Variants in TRNAU1AP observed in about 807,000 individuals in gnomAD.
TRNAU1AP encodes tRNA selenocysteine 1-associated protein 1.
Under a neutral mutation model 43.3 loss-of-function variants are expected in TRNAU1AP, and 33 were observed. That is an observed-to-expected ratio of 0.76 (90% confidence interval 0.58 to 1.02). The LOEUF (loss-of-function observed/expected upper bound fraction) is 1.02, where lower values mean the gene tolerates loss of function less well. Ranked by LOEUF, TRNAU1AP falls within the 50% of genes least tolerant of loss-of-function variation. TRNAU1AP has a pLI of 0.00. For synonymous variants in TRNAU1AP, 143 were observed against 129.1 expected (o/e 1.11, Z -0.73); for missense variants, 290 against 362.7 (o/e 0.80, Z 1.63).
At position 28,564,853 on chromosome 1, in the gene TRNAU1AP, C is replaced by G. The variant is rs750418439; in HGVS notation, c.410+19C>G. ...TGTCTAAGTAAGGCCTTACTTGTTA[C>G]TGATGCTTAACTGTGTTAGTTTCAG... On this transcript the variant is annotated intron_variant, in intron 5 of 8. Coordinates refer to ENST00000373830, the MANE Select transcript of TRNAU1AP (RefSeq NM_017846.5). 3 of 1,613,678 alleles carry G rather than the reference C, an allele frequency of 1.9e-6. No individual in the cohort carries two copies. Among genetic ancestry groups the G allele is most frequent in the Non-Finnish European group, 1.7e-6 (2 of 1,179,840 alleles).
intron 8 of TRNAU1AP, 43 bp from the exon 9 acceptor site, chr1:28,577,457 C>T: frequency 4.4e-6 from 7 of 1,603,726 alleles, no homozygotes; most frequent in Non-Finnish European, 6.0e-6. Context: ...TCCCTTGCAG[C>T]TGTCCCTAGA....
At chr1:28,574,416 C>T (rs1466697485) in intron 8 of TRNAU1AP, among the ~76,000 whole-genome samples, 1 of 151,906 alleles carries the variant, frequency 6.6e-6, no homozygotes. Context: ...CTGAATTTCA[C>T]AGAAGAAAAA....
intron 2 of TRNAU1AP, among the ~76,000 whole-genome samples, chr1:28,556,147 C>G (rs542021401): frequency 1.3e-5 from 2 of 152,070 alleles, no homozygotes; most frequent in Admixed American, 1.3e-4. Flanking sequence ...CCACCGCGCC[C>G]GGCCCCTTTC....
intron 5 of TRNAU1AP, 87 bp downstream of exon 5, chr1:28,564,921 C>T: frequency 6.5e-7 from 1 of 1,541,926 alleles, no homozygotes; most frequent in African/African-American, 1.4e-5. Context: ...GGCCCTGCAG[C>T]ATGGCGATTA....
chr1:28,555,022 G>C (rs1437688524), intron 2 of TRNAU1AP, among the ~76,000 whole-genome samples: 3 of 151,868 alleles, frequency 2.0e-5, no homozygotes, highest in Non-Finnish European at 2.9e-5. Context: ...TGGATCACCT[G>C]AGGTCAGGAG....
At chr1:28,562,673 C>T (rs549477222) in intron 4 of TRNAU1AP, among the ~76,000 whole-genome samples, 60 of 151,126 alleles carry the variant, frequency 4.0e-4, no homozygotes, top group African/African-American at 1.3e-3. Flanking sequence ...CTCCGCCTCC[C>T]GGGTTCATGC....
At chr1:28,555,207 G>A (rs1482277086) in intron 2 of TRNAU1AP, among the ~76,000 whole-genome samples, 3 of 149,032 alleles carry the variant, frequency 2.0e-5, no homozygotes, top group Non-Finnish European at 3.0e-5. Flanking sequence ...TCCAGCCTGG[G>A]CAATAAGAGC....
chr1:28,575,856 CTTTTTT>C (rs34983069), intron 8 of TRNAU1AP, among the ~76,000 whole-genome samples: 12 of 60,736 alleles, frequency 2.0e-4, no homozygotes, highest in Non-Finnish European at 3.1e-4. Flanking sequence ...CTGCGCCTGG[CTTTTTT>C]TTTTTTTTTT....
At chr1:28,556,511 T>TC (rs1386703186) in intron 2 of TRNAU1AP, among the ~76,000 whole-genome samples, 1 of 135,022 alleles carries the variant, frequency 7.4e-6, no homozygotes, top group East Asian at 2.0e-4. Flanking sequence ...ATTTTAATCT[T>TC]TTTTTTTTTT....
At chr1:28,553,889 G>A in intron 2 of TRNAU1AP, 152 bp downstream of exon 2, 4 of 706,972 alleles carry the variant, frequency 5.7e-6, no homozygotes, top group Non-Finnish European at 9.7e-6. Flanking sequence ...TGAGTGGAAG[G>A]ATGGCATGTA....
intron 7 of TRNAU1AP, 75 bp downstream of exon 7, chr1:28,571,413 G>C (rs1665659484): frequency 6.7e-7 from 1 of 1,492,034 alleles, no homozygotes; most frequent in African/African-American, 1.4e-5. Context: ...TCTAGGATGG[G>C]ATTGGTAAGG....
intron 5 of TRNAU1AP, chr1:28,565,494 A>G (rs573850456): frequency 1.3e-5 from 2 of 152,450 alleles, no homozygotes; most frequent in Admixed American, 1.3e-4. Flanking sequence ...CCATAAAAAA[A>G]AAAAAAAAGT....
At chr1:28,564,864 C>A (rs766222001) in intron 5 of TRNAU1AP, 30 bp downstream of exon 5, 1 of 1,613,114 alleles carries the variant, frequency 6.2e-7, no homozygotes, top group South Asian at 1.1e-5. Flanking sequence ...TGATGCTTAA[C>A]TGTGTTAGTT....
chr1:28,566,344 G>C (rs1196137124), intron 5 of TRNAU1AP, among the ~76,000 whole-genome samples: 2 of 150,932 alleles, frequency 1.3e-5, no homozygotes, highest in African/African-American at 4.9e-5. Flanking sequence ...AGAGCCGGGC[G>C]TGGTGGCTGA....
At chr1:28,577,468 C>T in intron 8 of TRNAU1AP, 32 bp from the exon 9 acceptor site, 1 of 1,609,948 alleles carries the variant, frequency 6.2e-7, no homozygotes, top group Non-Finnish European at 8.5e-7. Context: ...TGTCCCTAGA[C>T]TTCCCTGACC....
chr1:28,573,939 A>G (rs1665717618), intron 8 of TRNAU1AP, among the ~76,000 whole-genome samples: 1 of 150,956 alleles, frequency 6.6e-6, no homozygotes, highest in Non-Finnish European at 1.5e-5. Context: ...CTCCGTCTCA[A>G]AAAAAAAAAC....
intron 8 of TRNAU1AP, among the ~76,000 whole-genome samples, chr1:28,576,827 G>A (rs1262460902): frequency 6.6e-6 from 1 of 152,078 alleles, no homozygotes; most frequent in Non-Finnish European, 1.5e-5. Context: ...TTGAACTCCC[G>A]ACTTCTGGTG....
At chr1:28,553,610 C>T in intron 1 of TRNAU1AP, 30 bp from the exon 2 acceptor site, 1 of 1,608,602 alleles carries the variant, frequency 6.2e-7, no homozygotes, top group South Asian at 1.1e-5. Flanking sequence ...GGCCGCCGGC[C>T]TGAGCCGCTG....
intron 4 of TRNAU1AP, among the ~76,000 whole-genome samples, chr1:28,562,544 G>A (rs534489994): frequency 3.9e-5 from 6 of 151,920 alleles, no homozygotes; most frequent in Non-Finnish European, 8.8e-5. Context: ...GTCTTCAAGT[G>A]GTTGAGTTAT....
Sources: allele counts gnomAD v4.1 joint callset (sites outside exome capture counted in the v4.1 genomes callset), GRCh38; gene constraint gnomAD v4.1.1; transcripts MANE v1.5; gene names NCBI Gene and HGNC (gene_info 2026-07-23, HGNC 2026-07-21).